Variants in COG4 observed in about 807,000 individuals in gnomAD.
COG4 encodes the protein component of oligomeric golgi complex 4.
COG4 carries 65 observed loss-of-function variants against 95.1 expected under a neutral mutation model. The ratio of observed to expected loss-of-function variants is 0.68; its 90% CI spans 0.56 to 0.84. COG4 has a LOEUF of 0.84. Among genes scored for constraint, COG4 ranks in the 40% least tolerant of loss-of-function variants. The pLI is 0.00. For synonymous variants in COG4, 421 were observed against 374.8 expected (o/e 1.12, Z -1.42); for missense variants, 1,045 against 989.1 (o/e 1.06, Z -0.76).
chr16:70,508,964 G>T, intron 7 of COG4: 1 of 558,194 alleles, frequency 1.8e-6, no homozygotes, highest in South Asian at 1.8e-5. Context: ...TTGTGATAGA[G>T]AACTGGTTTA....
rs745672726 is a variant in COG4 at position 70,519,682 on chromosome 16, A to G, written c.221T>C (p.Ile74Thr). The G allele has an allele frequency of 8.7e-6, 14 of 1,613,902 alleles. No homozygotes were observed. Among genetic ancestry groups the G allele is most frequent in the Non-Finnish European group, 1.1e-5 (13 of 1,179,954 alleles). The change falls in exon 2 of 19, where the codon ATT becomes ACT. Residue 74 changes from isoleucine (I) to threonine (T), a missense_variant. By Grantham distance (89) the Ile-to-Thr change is moderately conservative (BLOSUM62 -1). Transcript: ENST00000323786. ...LDALLEQQNT[I>T]ESKMVTLHRM... ...GTGGAGAGTGACCATCTTACTTTCA[A>G]TGGTGTTTTGCTGTTCCAAAAGAGC...
chr16:70,517,081 T>C (rs765380003), intron 3 of COG4, among the ~76,000 whole-genome samples: 2 of 152,098 alleles, frequency 1.3e-5, no homozygotes, highest in Non-Finnish European at 2.9e-5. Flanking sequence ...GTATTTTTTG[T>C]AGAGATGGGG....
intron 2 of COG4, among the ~76,000 whole-genome samples, chr16:70,519,319 G>T (rs2049887615): frequency 1.9e-5 from 1 of 53,326 alleles, no homozygotes; most frequent in East Asian, 5.9e-4. Context: ...AGTAGAGACG[G>T]GGTTTCACCT....
chr16:70,523,332 C>T, intron 1 of COG4, 41 bp downstream of exon 1: 1 of 1,612,650 alleles, frequency 6.2e-7, no homozygotes, highest in Non-Finnish European at 8.5e-7. Context: ...CTCCCACTCT[C>T]CCTAGATCCT....
intron 8 of COG4, among the ~76,000 whole-genome samples, chr16:70,502,852 G>T (rs756159789): frequency 6.6e-6 from 1 of 152,158 alleles, no homozygotes; most frequent in Non-Finnish European, 1.5e-5. Flanking sequence ...TGGATTAATG[G>T]AACAGAACTG....
intron 14 of COG4, among the ~76,000 whole-genome samples, chr16:70,483,295 T>C (rs528431033): frequency 0.14 from 6,746 of 49,238 alleles, 1,507 homozygotes; most frequent in African/African-American, 0.46. Context: ...CACCCCATCC[T>C]CCTCTCCTCT....
chr16:70,515,368 C>T (rs1006726309), intron 3 of COG4, among the ~76,000 whole-genome samples: 3 of 152,066 alleles, frequency 2.0e-5, no homozygotes, highest in Admixed American at 6.6e-5. Context: ...CATACAGCCA[C>T]CAACTCACTA....
At chr16:70,491,401 G>C (rs571435263) in intron 12 of COG4, among the ~76,000 whole-genome samples, 1 of 148,586 alleles carries the variant, frequency 6.7e-6, no homozygotes, top group Admixed American at 6.7e-5. Flanking sequence ...CACATCTGTA[G>C]ACCCAGCTAC....
intron 1 of COG4, among the ~76,000 whole-genome samples, chr16:70,522,604 T>C (rs1481988137): frequency 6.6e-6 from 1 of 152,246 alleles, no homozygotes; most frequent in Admixed American, 6.5e-5. Flanking sequence ...TGTGCTCAAC[T>C]TTGCTAGAAG....
chr16:70,523,249 T>C (rs367859924), intron 1 of COG4, 124 bp downstream of exon 1: 1 of 1,219,332 alleles, frequency 8.2e-7, no homozygotes, highest in African/African-American at 1.5e-5. Context: ...TAGCTTCCGC[T>C]TCTTTGTTTT....
intron 10 of COG4, 24 bp downstream of exon 10, chr16:70,497,913 C>G (rs201954059): frequency 1.4e-5 from 19 of 1,388,082 alleles, no homozygotes; most frequent in Non-Finnish European, 1.3e-5. Context: ...GCCCCATTTC[C>G]AAGAGATGCG....
chr16:70,485,202 T>C (rs1053472820), intron 13 of COG4, among the ~76,000 whole-genome samples: 1 of 140,586 alleles, frequency 7.1e-6, no homozygotes, highest in African/African-American at 3.1e-5. Flanking sequence ...AGACCCTGTC[T>C]CTCTTTTTTT....
At position 70,501,054 on chromosome 16, in the gene COG4, T is replaced by A. The variant is rs1441369924; in HGVS notation, c.1099A>T (p.Asn367Tyr). ...DPILTEVTLM[N>Y]ARSELYLRFL... Reference sequence around the variant, plus strand: ...CGTAAGTATAGCTCACTGCGGGCATTCATCAGGGTGACCTCAGTCAGGATG... The same window carrying A: ...CGTAAGTATAGCTCACTGCGGGCATACATCAGGGTGACCTCAGTCAGGATG... Residue 367 changes from asparagine (N) to tyrosine (Y), a missense_variant, in exon 9 of 19, where the codon AAT becomes TAT. Transcript: ENST00000323786. 1 of 1,613,818 alleles carries A rather than the reference T, an allele frequency of 6.2e-7. No homozygotes were observed. Among genetic ancestry groups the A allele is most frequent in the African/African-American group, 1.3e-5 (1 of 74,910 alleles).
chr16:70,522,650 A>T (rs1186776260), intron 1 of COG4, among the ~76,000 whole-genome samples: 1 of 152,250 alleles, frequency 6.6e-6, no homozygotes, highest in Non-Finnish European at 1.5e-5. Flanking sequence ...CTTAGAGCTT[A>T]GATCTCTTTT....
At chr16:70,506,608 AAAAAAAAAAC>A (rs1290242217) in intron 8 of COG4, among the ~76,000 whole-genome samples, 1,363 of 60,348 alleles carry the variant, frequency 0.023, 123 homozygotes, top group African/African-American at 0.06. Flanking sequence ...AAAAAAAAAA[AAAAAAAAAAC>A]AAAAAAAAAA....
At chr16:70,512,847 A>G (rs61641432) in intron 4 of COG4, among the ~76,000 whole-genome samples, 18,408 of 152,180 alleles carry the variant, frequency 0.12, 3,687 homozygotes, top group African/African-American at 0.42. Context: ...GCATGGTGGC[A>G]TGCGCCTGTA....
intron 13 of COG4, among the ~76,000 whole-genome samples, chr16:70,490,055 T>C (rs941026328): frequency 6.6e-6 from 1 of 152,084 alleles, no homozygotes; most frequent in African/African-American, 2.4e-5. Flanking sequence ...TGACCTCAAG[T>C]GATCCACCCG....
At chr16:70,510,607 G>C (rs1231199375) in intron 5 of COG4, among the ~76,000 whole-genome samples, 1 of 152,178 alleles carries the variant, frequency 6.6e-6, no homozygotes, top group African/African-American at 2.4e-5. Context: ...TTACAGGCGT[G>C]AGCCATTATG....
At chr16:70,496,799 G>A (rs186918272) in intron 11 of COG4, among the ~76,000 whole-genome samples, 2 of 152,292 alleles carry the variant, frequency 1.3e-5, no homozygotes, top group East Asian at 3.9e-4. Flanking sequence ...CCTAAGTGGT[G>A]GATCTTTGAC....
Sources: allele counts gnomAD v4.1 joint callset (sites outside exome capture counted in the v4.1 genomes callset), GRCh38; gene constraint gnomAD v4.1.1; transcripts MANE v1.5; gene names NCBI Gene and HGNC (gene_info 2026-07-23, HGNC 2026-07-21).